The following STXBP5L variants were observed in gnomAD, a reference collection of about 807,000 sequenced individuals.
The protein encoded by STXBP5L is syntaxin-binding protein 5-like.
A neutral mutation model predicts 144.5 loss-of-function variants in STXBP5L; 65 were observed. The observed-to-expected ratio is 0.45, with a 90% CI of 0.37 to 0.55. STXBP5L has a LOEUF of 0.55. Among genes scored for constraint, STXBP5L ranks in the 20% least tolerant of loss-of-function variants. STXBP5L has a pLI of 0.00. For missense variants in STXBP5L, 1,298 were observed against 1,405.5 expected, an observed-to-expected ratio of 0.92 and a Z score of 1.22; for synonymous variants, 505 against 469.6, an observed-to-expected ratio of 1.08 and a Z score of -0.97.
chr3:121,138,699 T>A (rs553839620), intron 7 of STXBP5L, among the ~76,000 whole-genome samples: 64 of 152,222 alleles, frequency 4.2e-4, no homozygotes, highest in African/African-American at 1.5e-3. Flanking sequence ...GAAAACTGTA[T>A]ATGCATATGT....
chr3:121,162,789 G>C (rs536890939), intron 9 of STXBP5L, among the ~76,000 whole-genome samples: 2 of 152,270 alleles, frequency 1.3e-5, no homozygotes, highest in African/African-American at 4.8e-5. Flanking sequence ...CTCAAAAGAA[G>C]ACATTCATGC....
At chr3:120,915,446 G>T (rs1221350112) in intron 2 of STXBP5L, among the ~76,000 whole-genome samples, 1 of 152,066 alleles carries the variant, frequency 6.6e-6, no homozygotes. Context: ...TCCATTAAAA[G>T]TATCAAGTAG....
At chr3:121,035,760 T>C (rs1000553387) in intron 3 of STXBP5L, among the ~76,000 whole-genome samples, 4 of 152,184 alleles carry the variant, frequency 2.6e-5, no homozygotes, top group Non-Finnish European at 4.4e-5. Context: ...AGTATTTTGA[T>C]AGAAATTGCA....
At chr3:121,272,989 T>A (rs2050774401) in intron 18 of STXBP5L, among the ~76,000 whole-genome samples, 2 of 152,092 alleles carry the variant, frequency 1.3e-5, no homozygotes, top group South Asian at 4.1e-4. Context: ...TACCTATAGT[T>A]ACTTTTAATA....
intron 23 of STXBP5L, among the ~76,000 whole-genome samples, chr3:121,410,344 A>AT (rs1428142700): frequency 1.3e-5 from 2 of 152,034 alleles, no homozygotes; most frequent in Non-Finnish European, 2.9e-5. Flanking sequence ...GAAATTCTTC[A>AT]TGTGTTCCTG....
intron 22 of STXBP5L, among the ~76,000 whole-genome samples, chr3:121,382,077 T>C (rs1180513976): frequency 6.6e-6 from 1 of 152,060 alleles, no homozygotes; most frequent in East Asian, 1.9e-4. Flanking sequence ...CAAGCATATG[T>C]TGTATTCTCT....
At chr3:121,071,380 G>A (rs2331526) in intron 5 of STXBP5L, among the ~76,000 whole-genome samples, 121,603 of 152,192 alleles carry the variant, frequency 0.8, 49,059 homozygotes, top group Admixed American at 0.84. Flanking sequence ...GCAGGGCTCA[G>A]TGTTTCCTCA....
intron 19 of STXBP5L, among the ~76,000 whole-genome samples, chr3:121,289,456 G>A (rs914346151): frequency 6.6e-6 from 1 of 152,220 alleles, no homozygotes; most frequent in Non-Finnish European, 1.5e-5. Context: ...TAATAGTGCA[G>A]TACTTCAGTA....
chr3:121,163,322 C>T (rs867939694), intron 9 of STXBP5L, among the ~76,000 whole-genome samples: 5 of 151,998 alleles, frequency 3.3e-5, no homozygotes, highest in African/African-American at 4.8e-5. Flanking sequence ...AACACAGGAA[C>T]GGAAAACCAA....
Position 121,259,104 on chromosome 3 carries a change from G to A in STXBP5L, c.1894G>A (p.Val632Met). The A allele has an allele frequency of 1.9e-6, 3 of 1,606,296 alleles. No individual in the cohort carries two copies. Among genetic ancestry groups the A allele is most frequent in the Non-Finnish European group, 2.6e-6 (3 of 1,175,408 alleles). ...GYQAELVIQL[V>M]WVDGEPPQQI... ...TCAAGCAGAACTTGTTATTCAATTG[G>A]TGTGGGTAGATGGTGAACCTCCACA... Residue 632 changes from valine to methionine, a missense_variant, in exon 18 of 27, where the codon GTG (valine) becomes ATG (methionine). By Grantham distance (21) the Val-to-Met change is conservative. Coordinates refer to ENST00000471454, the MANE Select transcript of STXBP5L (RefSeq NM_001308330.2).
intron 3 of STXBP5L, among the ~76,000 whole-genome samples, chr3:121,006,645 T>A (rs1423271010): frequency 6.6e-6 from 1 of 152,216 alleles, no homozygotes; most frequent in East Asian, 1.9e-4. Flanking sequence ...CTTCCTAGTA[T>A]CAATGGTCTT....
At chr3:121,408,198 C>T (rs2047037938) in intron 23 of STXBP5L, among the ~76,000 whole-genome samples, 1 of 151,828 alleles carries the variant, frequency 6.6e-6, no homozygotes, top group African/African-American at 2.4e-5. Context: ...AAATATTGGT[C>T]AAGAGATTTC....
Position 121,114,938 on chromosome 3 carries a change from C to T in STXBP5L, c.484C>T (p.His162Tyr), listed in dbSNP as rs1373555713. Reference protein sequence around the residue: ...KFNRERITYCHLPFQSKWLYV... With the variant: ...KFNRERITYCYLPFQSKWLYV... ...TCTTTCTTTCAGAATTACTTACTGT[C>T]ATCTACCTTTCCAGAGTAAATGGCT... Residue 162 changes from histidine to tyrosine, a missense_variant, in exon 6 of 27, where the codon CAT becomes TAT. Transcript: ENST00000471454. The T allele has an allele frequency of 6.4e-7, 1 of 1,552,312 alleles. No individual in the cohort carries two copies. The highest frequency in any genetic ancestry group is 8.7e-7 in the Non-Finnish European group (1 of 1,152,180).
At chr3:121,127,892 G>A (rs565436590) in intron 7 of STXBP5L, among the ~76,000 whole-genome samples, 1 of 151,756 alleles carries the variant, frequency 6.6e-6, no homozygotes, top group African/African-American at 2.4e-5. Context: ...GGGTGACCGT[G>A]TAATGACTTC....
chr3:121,047,620 C>T (rs1479444913), intron 5 of STXBP5L, among the ~76,000 whole-genome samples: 1 of 152,106 alleles, frequency 6.6e-6, no homozygotes, highest in Admixed American at 6.6e-5. Context: ...CCTTCCTTGT[C>T]TTTTTTGATC....
chr3:121,076,305 C>A (rs2042015837), intron 5 of STXBP5L, among the ~76,000 whole-genome samples: 1 of 152,148 alleles, frequency 6.6e-6, no homozygotes, highest in Non-Finnish European at 1.5e-5. Flanking sequence ...GCAGCTGGGG[C>A]AGCCTCCTGT....
intron 5 of STXBP5L, among the ~76,000 whole-genome samples, chr3:121,081,370 T>A (rs766261727): frequency 1.3e-4 from 20 of 152,222 alleles, no homozygotes; most frequent in Admixed American, 2.6e-4. Context: ...TGGTGTTTTT[T>A]AAATTTCTTT....
intron 5 of STXBP5L, among the ~76,000 whole-genome samples, chr3:121,095,177 C>T (rs1002766254): frequency 6.6e-6 from 1 of 152,110 alleles, no homozygotes; most frequent in Non-Finnish European, 1.5e-5. Context: ...GACGAGCTTC[C>T]CTTTGTGGGT....
chr3:121,150,024 C>T (rs1450836313), intron 7 of STXBP5L, among the ~76,000 whole-genome samples: 5 of 151,912 alleles, frequency 3.3e-5, no homozygotes, highest in African/African-American at 4.8e-5. Flanking sequence ...TTATATATTT[C>T]ATTATGATTT....
Sources: gnomAD v4.1 joint callset for allele counts (sites outside exome capture counted in the v4.1 genomes callset) on GRCh38, gnomAD v4.1.1 for gene constraint, MANE v1.5 for transcripts, NCBI Gene and HGNC (gene_info 2026-07-23, HGNC 2026-07-21) for gene names.